The following KIF7 variants were observed in gnomAD, a reference collection of about 807,000 sequenced individuals.
KIF7 encodes the protein kinesin family member 7, also known as kinesin-like protein KIF7.
KIF7 carries 104 observed loss-of-function variants against 135.7 expected under a neutral mutation model. The observed-to-expected ratio is 0.77, with a 90% confidence interval of 0.65 to 0.90. The LOEUF (loss-of-function observed/expected upper bound fraction) is 0.90. Ranked by LOEUF, KIF7 falls within the 40% of genes least tolerant of loss-of-function variation. The pLI, the probability that KIF7 is intolerant of heterozygous loss-of-function variation, is 0.00. For synonymous variants in KIF7, 883 were observed against 809.4 expected (o/e 1.09, Z -1.54); for missense variants, 2,005 against 1,839.1 (o/e 1.09, Z -1.65).
At chr15:89,642,686 C>T (rs573840065) in intron 10 of KIF7, among the ~76,000 whole-genome samples, 2 of 152,370 alleles carry the variant, frequency 1.3e-5, no homozygotes, top group East Asian at 1.9e-4. Flanking sequence ...TCTGCTGCCT[C>T]AGCCTCCCAA....
chr15:89,622,940 C>T (rs189563718), intron 1 of KIF7, among the ~76,000 whole-genome samples: 40 of 152,342 alleles, frequency 2.6e-4, no homozygotes, highest in African/African-American at 8.7e-4. Flanking sequence ...CTGCACCAAT[C>T]ACATTGTATT....
chr15:89,657,772 G>C (rs191680878), upstream of KIF7, among the ~76,000 whole-genome samples: 5 of 152,312 alleles, frequency 3.3e-5, no homozygotes, highest in East Asian at 5.8e-4. Context: ...AATAATTATA[G>C]TTACTTGAAA....
chr15:89,648,193 T>G, intron 5 of KIF7, 62 bp downstream of exon 5: 1 of 1,407,706 alleles, frequency 7.1e-7, no homozygotes, highest in Non-Finnish European at 9.3e-7. Flanking sequence ...GAAGACCCTC[T>G]TCCTTCCTCT....
In KIF7 at chr15:89,652,618, C is replaced by T; in HGVS notation, c.313G>A (p.Gly105Arg). Residue 105 changes from glycine (G) to arginine (R), a missense_variant, in exon 2 of 19, where the codon GGG becomes AGG. Transcript: ENST00000394412. ...QTGSGKTYTM[G>R]EASVASLLED... Reference sequence around the variant, plus strand: ...GGTCACTCACCCACACTGGCCTCCCCCATGGTGTATGTCTTCCCTGAGCCC... The same window carrying T: ...GGTCACTCACCCACACTGGCCTCCCTCATGGTGTATGTCTTCCCTGAGCCC... The T allele has an allele frequency of 6.5e-7, 1 of 1,532,904 alleles. No individual in the cohort carries two copies. The highest frequency in any genetic ancestry group is 1.2e-5 in the South Asian group (1 of 82,278). The allele number at this position is 1,532,904 out of a possible 1,614,324, so 95.0% of individuals were successfully genotyped here. A position where few individuals can be genotyped will look rare whatever the true frequency, so the allele number is the denominator to read the frequency against.
the KIF7 span, among the ~76,000 whole-genome samples, chr15:89,661,393 T>G: frequency 6.6e-6 from 1 of 152,128 alleles, no homozygotes. Flanking sequence ...GAAGTAAATC[T>G]ATAAAGAAAA....
At chr15:89,636,266 T>C (rs1039866753) in intron 11 of KIF7, among the ~76,000 whole-genome samples, 29 of 150,688 alleles carry the variant, frequency 1.9e-4, no homozygotes, top group Non-Finnish European at 4.0e-4. Context: ...AGAAACTGCA[T>C]GAACTAACGA....
downstream of KIF7, chr15:89,625,071 G>GCCC: frequency 6.2e-7 from 1 of 1,613,932 alleles, no homozygotes; most frequent in Non-Finnish European, 8.5e-7. Context: ...TAGAGGCTGA[G>GCCC]CCCCTCAGCA....
At chr15:89,639,343 A>C (rs1417741710) in intron 11 of KIF7, among the ~76,000 whole-genome samples, 139 of 150,166 alleles carry the variant, frequency 9.3e-4, no homozygotes, top group Middle Eastern at 3.4e-3. Flanking sequence ...CTACCATCAG[A>C]GTGAACAGGC....
Position 89,649,107 on chromosome 15 carries a change from T to C in KIF7, c.790A>G (p.Ser264Gly). ...AGSERVLKTG[S>G]TGERLKESIQ... ...CTCTCCTTGAGCCGCTCGCCGGTGC[T>C]GCCCGTCTTGAGCACCCTCTCTGAG... Residue 264 changes from serine to glycine, a missense_variant, in exon 4 of 19, where the codon AGC (serine) becomes GGC (glycine). Coordinates refer to ENST00000394412, the MANE Select transcript of KIF7 (RefSeq NM_198525.3). 1 of 1,547,798 alleles carries C rather than the reference T, an allele frequency of 6.5e-7. No homozygotes were observed. Among genetic ancestry groups the C allele is most frequent in the Non-Finnish European group, 8.7e-7 (1 of 1,146,736 alleles).
rs548585170 is a variant in KIF7 at position 89,653,983 on chromosome 15, C to A, written c.-24-1029G>T. On this transcript the variant is annotated intron_variant, in intron 1 of 18. Coordinates refer to ENST00000394412, the MANE Select transcript of KIF7 (RefSeq NM_198525.3). Reference sequence around the variant, plus strand: ...AAGGCTCTCCACTGCCCTTGGGATTCAAAATATTTTTGTTTTTGTTTTTGT... The same window carrying A: ...AAGGCTCTCCACTGCCCTTGGGATTAAAAATATTTTTGTTTTTGTTTTTGT... Among the ~76,000 whole-genome samples the A allele has an allele frequency of 4.6e-5, 7 of 152,096 alleles. No individual in the cohort carries two copies. In the East Asian group the frequency reaches 7.7e-4, roughly 17 times the overall value.
rs759748070 is a variant in KIF7 at position 89,628,373 on chromosome 15, C to G, written c.*46G>C. On this transcript the variant is annotated 3_prime_UTR_variant, in exon 19 of 19. Coordinates refer to ENST00000394412, the MANE Select transcript of KIF7 (RefSeq NM_198525.3). ...AAGCAAAACAGGCAGCTGCCCCTTT[C>G]AGCAGGCTCGGAGTCTCCCTCCAAG... 3 of 1,555,422 alleles carry G rather than the reference C, an allele frequency of 1.9e-6. No individual in the cohort carries two copies. The highest frequency in any genetic ancestry group is 2.4e-5 in the South Asian group (2 of 81,796).
intron 11 of KIF7, among the ~76,000 whole-genome samples, chr15:89,637,131 C>T (rs372216533): frequency 8.4e-5 from 9 of 107,646 alleles, no homozygotes; most frequent in Admixed American, 4.1e-4. Flanking sequence ...TTGAAACCAA[C>T]GAGAACAAAG....
At chr15:89,633,464 G>GC (rs937758894) in intron 12 of KIF7, among the ~76,000 whole-genome samples, 198 bp from the exon 13 acceptor site, 1 of 152,204 alleles carries the variant, frequency 6.6e-6, no homozygotes, top group African/African-American at 2.4e-5. Context: ...CCCACAAGAT[G>GC]CCAGTCACCT....
At chr15:89,624,800 A>G, downstream of KIF7, 1 of 1,614,190 alleles carries the variant, frequency 6.2e-7, no homozygotes, top group Non-Finnish European at 8.5e-7. Context: ...GCAGATGCTG[A>G]GAAGTCTTCT....
At chr15:89,633,963 AGGCAGATAGAG>A (rs2142002930) in intron 11 of KIF7, 80 bp from the exon 12 acceptor site, 26 of 1,477,832 alleles carry the variant, frequency 1.8e-5, no homozygotes, top group Non-Finnish European at 2.4e-5. Flanking sequence ...CAACAAGGGC[AGGCAGATAGAG>A]GGCAAATGGG....
chr15:89,646,910 C>A lies in KIF7; in HGVS notation c.1708G>T (p.Gly570Cys). The A allele has an allele frequency of 6.2e-7, 1 of 1,614,060 alleles. No homozygotes were observed. The highest frequency in any genetic ancestry group is 8.5e-7 in the Non-Finnish European group (1 of 1,180,016). ...VPRPHTAPLG[G>C]AHAHVLGMVP... The stretch of plus-strand genomic sequence containing the variant: ...ATGCCCAGCACATGGGCGTGGGCAC[C>A]CCCCAGGGGGGCTGTATGAGGTCGA... The change falls in exon 7 of 19, where the codon GGT becomes TGT. Residue 570 changes from glycine to cysteine, a missense_variant. Physicochemically the swap from Gly to Cys is radical, Grantham distance 159. Coordinates refer to ENST00000394412, the MANE Select transcript of KIF7 (RefSeq NM_198525.3).
rs750635928 is a variant in KIF7, at chr15:89,628,753, C to A, written c.3698G>T (p.Arg1233Ile). 1.2e-6 allele frequency: 2 copies of A among 1,612,514 alleles called. No individual in the cohort carries two copies. Among genetic ancestry groups the A allele is most frequent in the African/African-American group, 2.7e-5 (2 of 75,062 alleles). The change falls in exon 19 of 19, where the codon AGA (arginine) becomes ATA (isoleucine). Residue 1233 changes from arginine to isoleucine, a missense_variant. Physicochemically the swap from Arg to Ile is moderately conservative, Grantham distance 97 (BLOSUM62 -3). Coordinates refer to ENST00000394412, the MANE Select transcript of KIF7 (RefSeq NM_198525.3). ...GEKRSLCSEG[R>I]QAPGNEDELH... ...CTCATCTTCATTTCCAGGAGCCTGT[C>A]TGCCCTCCGAGCACAGGCTCCTCTT...
chr15:89,629,648 A>G, intron 16 of KIF7, 75 bp from the exon 17 acceptor site: 1 of 1,587,742 alleles, frequency 6.3e-7, no homozygotes, highest in East Asian at 2.2e-5. Flanking sequence ...TCACAGACAC[A>G]GTATTGGCAC....
intron 2 of KIF7, among the ~76,000 whole-genome samples, chr15:89,652,204 G>A (rs1964134758): frequency 6.6e-6 from 1 of 152,170 alleles, no homozygotes; most frequent in African/African-American, 2.4e-5. Flanking sequence ...CTGCTGTGCA[G>A]TATCCAAAGC....
Sources: gnomAD v4.1 joint callset for allele counts (sites outside exome capture counted in the v4.1 genomes callset) on GRCh38, gnomAD v4.1.1 for gene constraint, MANE v1.5 for transcripts, NCBI Gene and HGNC (gene_info 2026-07-23, HGNC 2026-07-21) for gene names.